AKAP3: variants seen among roughly 807,000 people sequenced by gnomAD.
AKAP3 encodes A-kinase anchor protein 3.
AKAP3 carries 27 observed loss-of-function variants against 57.2 expected under a neutral mutation model. The observed-to-expected ratio is 0.47, with a 90% CI of 0.35 to 0.65. AKAP3 has a LOEUF of 0.65. Among genes scored for constraint, AKAP3 ranks in the 30% least tolerant of loss-of-function variants. The pLI, the probability that AKAP3 is intolerant of heterozygous loss-of-function variation, is 0.01. For synonymous variants in AKAP3, 334 were observed against 392.3 expected, an observed-to-expected ratio of 0.85 and a Z score of 1.76; for missense variants, 959 against 1,040.0, an observed-to-expected ratio of 0.92 and a Z score of 1.07.
chr12:4,615,519 T>G lies in AKAP3; in HGVS notation c.*220A>C. ...AAGGAAACAAAACATGTGGAGCCCT[T>G]TAATTGTAATTTTTTAATTTTACGT... On this transcript the variant is annotated 3_prime_UTR_variant, in exon 6 of 6. Coordinates refer to ENST00000228850, the MANE Select transcript of AKAP3 (RefSeq NM_001278309.2). 4.2e-6 allele frequency: 2 copies of G among 475,848 alleles called. No individual in the cohort carries two copies. The highest frequency in any genetic ancestry group is 4.0e-5 in the Admixed American group (1 of 25,258). 29.5% of individuals were successfully genotyped at this position (475,848 alleles called of 1,614,324 possible). A position where few individuals can be genotyped will look rare whatever the true frequency, so the allele number is the denominator to read the frequency against.
Position 4,628,333 on chromosome 12 carries a change from G to A in AKAP3, c.569C>T (p.Ala190Val), listed in dbSNP as rs762600685. 5 of 1,614,168 alleles carry A rather than the reference G, an allele frequency of 3.1e-6. No homozygotes were observed. The Admixed American group carries it at 8.3e-5, about 27-fold the overall frequency. The change falls in exon 5 of 6, where the codon GCT (alanine) becomes GTT (valine). Residue 190 changes from alanine (A) to valine (V), a missense_variant. Transcript: ENST00000228850. ...AGAGCCAGGAGCCTTGTCTGGGGCA[G>A]CATTCCTGGAACATGCAGAGACGGT... Reference protein sequence around the residue: ...NETVSACSRNAAPDKAPGSGD... With the variant: ...NETVSACSRNVAPDKAPGSGD...
chr12:4,618,753 C>T (rs1212202927), intron 5 of AKAP3, among the ~76,000 whole-genome samples: 5 of 152,208 alleles, frequency 3.3e-5, no homozygotes, highest in Non-Finnish European at 7.3e-5. Flanking sequence ...TGGTTGAGAA[C>T]CACTGGGTAG....
chr12:4,619,207 G>A (rs1218550792), intron 5 of AKAP3, among the ~76,000 whole-genome samples: 1 of 152,178 alleles, frequency 6.6e-6, no homozygotes, highest in African/African-American at 2.4e-5. Context: ...CAAATTACTG[G>A]TGAAAATGTA....
chr12:4,637,998 C>A (rs1209600106), intron 4 of AKAP3, 103 bp downstream of exon 4: 28 of 1,018,642 alleles, frequency 2.7e-5, no homozygotes, highest in Non-Finnish European at 4.0e-5. Context: ...AGAATCCCAC[C>A]TTGAAAAATA....
In AKAP3 at chr12:4,627,716, T is replaced by C. The variant is rs760834749; in HGVS notation, c.1186A>G (p.Lys396Glu). 3.7e-6 allele frequency: 6 copies of C among 1,614,158 alleles called. No individual in the cohort carries two copies. The highest frequency in any genetic ancestry group is 4.2e-6 in the Non-Finnish European group (5 of 1,180,028). ...TAACTCTCAGCCTTGTCTTGGGCTT[T>C]CCTGACATGCTCAGGGACTTTCTTG... ...FAKKVPEHVRKAQDKAESYSL... is the reference protein window; with the variant it reads ...FAKKVPEHVREAQDKAESYSL... The change falls in exon 5 of 6, where the codon AAA (lysine) becomes GAA (glutamate). Residue 396 changes from lysine to glutamate, a missense_variant. By Grantham distance (56) the Lys-to-Glu change is moderately conservative (BLOSUM62 1). Coordinates refer to ENST00000228850, the MANE Select transcript of AKAP3 (RefSeq NM_001278309.2).
Position 4,615,666 on chromosome 12 carries a change from G to C in AKAP3, c.*73C>G. The C allele has an allele frequency of 6.5e-7, 1 of 1,539,540 alleles. No individual in the cohort carries two copies. Among genetic ancestry groups the C allele is most frequent in the Non-Finnish European group, 8.8e-7 (1 of 1,132,076 alleles). ...TGTGAGGATATAGAGGGGGAGATGTGGAAGTGAGAAAGAAGGGCGGGGATA... is the reference window on the plus strand; with the variant it reads ...TGTGAGGATATAGAGGGGGAGATGTCGAAGTGAGAAAGAAGGGCGGGGATA... On this transcript the variant is annotated 3_prime_UTR_variant, in exon 6 of 6. Coordinates refer to ENST00000228850, the MANE Select transcript of AKAP3 (RefSeq NM_001278309.2).
chr12:4,622,762 A>G (rs527397787), intron 5 of AKAP3, among the ~76,000 whole-genome samples: 1 of 152,314 alleles, frequency 6.6e-6, no homozygotes, highest in Non-Finnish European at 1.5e-5. Context: ...CTGCAACAAG[A>G]GCAAAGCTTG....
rs138753573 is a variant in AKAP3, at chr12:4,619,631, T to C, written c.2407-3737A>G. Among the ~76,000 whole-genome samples, 105 of 152,286 alleles carry C rather than the reference T, an allele frequency of 6.9e-4. 1 individual carries two copies. The highest frequency in any genetic ancestry group is 2.5e-3 in the African/African-American group (103 of 41,566). On this transcript the variant is annotated intron_variant, in intron 5 of 5. Coordinates refer to ENST00000228850, the MANE Select transcript of AKAP3 (RefSeq NM_001278309.2). The stretch of plus-strand genomic sequence containing the variant: ...AATTAGATTTATTGAATTACACTTA[T>C]TGTAACATGCTGCATTACATTAATG...
chr12:4,618,919 A>G (rs1945315914), intron 5 of AKAP3, among the ~76,000 whole-genome samples: 1 of 152,264 alleles, frequency 6.6e-6, no homozygotes, highest in Admixed American at 6.5e-5. Flanking sequence ...AAAATATATC[A>G]GATAAAGGAC....
chr12:4,620,997 T>C (rs892775405), intron 5 of AKAP3, among the ~76,000 whole-genome samples: 2 of 152,122 alleles, frequency 1.3e-5, no homozygotes, highest in Non-Finnish European at 2.9e-5. Flanking sequence ...GAGTGTTACT[T>C]ACCCTGAAGA....
At chr12:4,646,595 C>T (rs1052550250) in intron 1 of AKAP3, among the ~76,000 whole-genome samples, 1 of 151,884 alleles carries the variant, frequency 6.6e-6, no homozygotes, top group Non-Finnish European at 1.5e-5. Context: ...TTGCTTGAAC[C>T]TGGGAGGCGG....
Position 4,627,439 on chromosome 12 carries a change from G to C in AKAP3, c.1463C>G (p.Pro488Arg), listed in dbSNP as rs768381288. 1.9e-6 allele frequency: 3 copies of C among 1,613,962 alleles called. No individual in the cohort carries two copies. The highest frequency in any genetic ancestry group is 2.2e-5 in the East Asian group (1 of 44,868). ...GTACTCAAAGGAAATGTCTGATGCAGGCTTACGCTGTGTGTTGGGAGCTTC... is the reference window on the plus strand; with the variant it reads ...GTACTCAAAGGAAATGTCTGATGCACGCTTACGCTGTGTGTTGGGAGCTTC... ...AFEAPNTQRK[P>R]ASDISFEYPE... The change falls in exon 5 of 6, where the codon CCT becomes CGT. Residue 488 changes from proline to arginine, a missense_variant. Pro to Arg is a moderately radical substitution (Grantham distance 103, BLOSUM62 -2). Transcript: ENST00000228850.
rs539009223 is a variant in AKAP3, at chr12:4,632,289, G to A, written c.97-3484C>T. Among the ~76,000 whole-genome samples, 45 of 152,302 alleles carry A rather than the reference G, an allele frequency of 3.0e-4. 1 individual carries two copies. Among genetic ancestry groups the A allele is most frequent in the Non-Finnish European group, 1.0e-4 (7 of 68,036 alleles). On this transcript the variant is annotated intron_variant, in intron 4 of 5. Transcript: ENST00000228850. ...TTCTCCACTTAGAGAGGTGGTATAA[G>A]GGGTGTATGTGACTGTAGGAAGTCG...
At chr12:4,620,328 A>G (rs1164203995) in intron 5 of AKAP3, among the ~76,000 whole-genome samples, 1 of 151,960 alleles carries the variant, frequency 6.6e-6, no homozygotes. Context: ...CGTCTCTACT[A>G]AAAGTACAAA....
intron 5 of AKAP3, among the ~76,000 whole-genome samples, chr12:4,623,279 A>G (rs1223771682): frequency 1.3e-5 from 2 of 152,344 alleles, no homozygotes; most frequent in African/African-American, 4.8e-5. Flanking sequence ...AGGAATATAA[A>G]TTGTTTTACC....
Position 4,627,448 on chromosome 12 carries a change from T to C in AKAP3, c.1454A>G (p.Gln485Arg), listed in dbSNP as rs374081684. ...GGAAATGTCTGATGCAGGCTTACGC[T>C]GTGTGTTGGGAGCTTCAAATGCTGC... is the stretch of plus-strand genomic sequence containing the variant. ...QHAAFEAPNTQRKPASDISFE... is the reference protein window; with the variant it reads ...QHAAFEAPNTRRKPASDISFE... Residue 485 changes from glutamine to arginine, a missense_variant, in exon 5 of 6, where the codon CAG becomes CGG. Gln to Arg is a conservative substitution (Grantham distance 43). Coordinates refer to ENST00000228850, the MANE Select transcript of AKAP3 (RefSeq NM_001278309.2). The C allele has an allele frequency of 9.3e-6, 15 of 1,613,936 alleles. No homozygotes were observed. Among genetic ancestry groups the C allele is most frequent in the African/African-American group, 6.7e-5 (5 of 74,928 alleles).
At chr12:4,644,551 G>A (rs1945676100) in intron 2 of AKAP3, among the ~76,000 whole-genome samples, 1 of 152,200 alleles carries the variant, frequency 6.6e-6, no homozygotes, top group African/African-American at 2.4e-5. Context: ...AAAGATGGTA[G>A]GTTTGACTTT....
At position 4,627,413 on chromosome 12, in the gene AKAP3, G is replaced by A; in HGVS notation, c.1489C>T (p.Pro497Ser). ...AGGCTGAGGTTGCCAATATCTTCAG[G>A]GTACTCAAAGGAAATGTCTGATGCA... ...KPASDISFEY[P>S]EDIGNLSLPP... The change falls in exon 5 of 6, where the codon CCT (proline) becomes TCT (serine). Residue 497 changes from proline (P) to serine (S), a missense_variant. By Grantham distance (74) the Pro-to-Ser change is moderately conservative. Transcript: ENST00000228850. 1 of 1,613,888 alleles carries A rather than the reference G, an allele frequency of 6.2e-7. No homozygotes were observed. Among genetic ancestry groups the A allele is most frequent in the East Asian group, 2.2e-5 (1 of 44,870 alleles).
At chr12:4,641,705 C>T (rs924336301) in intron 3 of AKAP3, among the ~76,000 whole-genome samples, 194 bp downstream of exon 3, 1 of 152,118 alleles carries the variant, frequency 6.6e-6, no homozygotes, top group Non-Finnish European at 1.5e-5. Flanking sequence ...AGCAGTTTGT[C>T]CTAGATTATT....
Sources: allele counts gnomAD v4.1 joint callset (sites outside exome capture counted in the v4.1 genomes callset), GRCh38; gene constraint gnomAD v4.1.1; transcripts MANE v1.5; gene names NCBI Gene and HGNC (gene_info 2026-07-23, HGNC 2026-07-21).